The following CTNNA2 variants were observed in gnomAD, a reference collection of about 807,000 sequenced individuals.
The protein encoded by CTNNA2 is catenin alpha 2.
Under a neutral mutation model 101.0 loss-of-function variants are expected in CTNNA2, and 42 were observed. The ratio of observed to expected loss-of-function variants is 0.42; its 90% CI spans 0.32 to 0.54. The LOEUF is 0.54. CTNNA2 is among the 20% of genes least tolerant of loss of function. The pLI, the probability that CTNNA2 is intolerant of heterozygous loss-of-function variation, is 0.14. For missense variants in CTNNA2, 871 were observed against 1,223.1 expected (o/e 0.71, Z 4.29); for synonymous variants, 450 against 456.4 (o/e 0.99, Z 0.18).
chr2:80,464,841 A>G (rs952155327), intron 9 of CTNNA2, among the ~76,000 whole-genome samples: 1 of 152,194 alleles, frequency 6.6e-6, no homozygotes, highest in Non-Finnish European at 1.5e-5. Context: ...TGAGGCACAG[A>G]CAAGTTAATT....
intron 4 of CTNNA2, among the ~76,000 whole-genome samples, chr2:79,495,705 T>C (rs1238366192): frequency 1.3e-5 from 2 of 152,170 alleles, no homozygotes; most frequent in Non-Finnish European, 2.9e-5. Context: ...GGAAATAACA[T>C]ATCTATTAAT....
At chr2:80,449,975 G>T (rs925209388) in intron 9 of CTNNA2, among the ~76,000 whole-genome samples, 12 of 152,156 alleles carry the variant, frequency 7.9e-5, no homozygotes, top group Non-Finnish European at 1.6e-4. Context: ...GAATTTCCTG[G>T]AAAATTTGAA....
chr2:79,277,721 AC>A (rs758441864), intron 2 of CTNNA2, among the ~76,000 whole-genome samples: 49 of 152,188 alleles, frequency 3.2e-4, no homozygotes, highest in Non-Finnish European at 6.2e-4. Context: ...TGACCCCAAA[AC>A]TTACACTCTT....
intron 2 of CTNNA2, among the ~76,000 whole-genome samples, chr2:79,280,249 C>A (rs996962866): frequency 1.3e-5 from 2 of 152,026 alleles, no homozygotes; most frequent in African/African-American, 4.8e-5. Flanking sequence ...ATGCCTCCAC[C>A]CTAAAAAGCA....
At chr2:79,936,938 G>A (rs1034798506) in intron 7 of CTNNA2, among the ~76,000 whole-genome samples, 7 of 152,096 alleles carry the variant, frequency 4.6e-5, no homozygotes, top group African/African-American at 7.2e-5. Context: ...AGCCGCGAAA[G>A]AGCCACTTTT....
At chr2:79,901,904 C>T (rs1404855380) in intron 6 of CTNNA2, among the ~76,000 whole-genome samples, 1 of 152,152 alleles carries the variant, frequency 6.6e-6, no homozygotes, top group Non-Finnish European at 1.5e-5. Context: ...CAGCTGAGTA[C>T]AATTAGATAC....
chr2:79,330,030 A>AT (rs1676835700), intron 3 of CTNNA2, among the ~76,000 whole-genome samples: 1 of 152,104 alleles, frequency 6.6e-6, no homozygotes, highest in South Asian at 2.1e-4. Flanking sequence ...AGCTTCTTCC[A>AT]TGGAGAGGCC....
chr2:79,635,545 C>T (rs1679972806), intron 1 of CTNNA2, among the ~76,000 whole-genome samples: 1 of 151,718 alleles, frequency 6.6e-6, no homozygotes, highest in Admixed American at 6.6e-5. Context: ...CTCTTGTCGC[C>T]CAGACTGGAG....
intron 3 of CTNNA2, among the ~76,000 whole-genome samples, chr2:79,754,042 T>C (rs1672232471): frequency 6.6e-6 from 1 of 151,914 alleles, no homozygotes; most frequent in African/African-American, 2.4e-5. Context: ...CTAATTTTTG[T>C]ATTTCTAGTA....
intron 1 of CTNNA2, among the ~76,000 whole-genome samples, chr2:79,575,953 C>T (rs2103859636): frequency 6.6e-6 from 1 of 152,330 alleles, no homozygotes; most frequent in South Asian, 2.1e-4. Context: ...CTCAGGACTG[C>T]TGTGAACACC....
chr2:79,822,253 A>G (rs1222589109), intron 3 of CTNNA2, among the ~76,000 whole-genome samples: 2 of 151,914 alleles, frequency 1.3e-5, no homozygotes, highest in Non-Finnish European at 2.9e-5. Context: ...CTAATACTAT[A>G]TTTTACTATT....
chr2:79,407,801 G>A (rs1217461541), intron 4 of CTNNA2, among the ~76,000 whole-genome samples: 1 of 151,964 alleles, frequency 6.6e-6, no homozygotes, highest in Non-Finnish European at 1.5e-5. Context: ...GCCTGACAAA[G>A]GGTTGTATCC....
At chr2:80,412,020 T>C (rs1679617473) in intron 8 of CTNNA2, among the ~76,000 whole-genome samples, 1 of 152,180 alleles carries the variant, frequency 6.6e-6, no homozygotes, top group Admixed American at 6.5e-5. Context: ...TTTGCTTTCT[T>C]GTGCTGCACC....
chr2:80,303,990 G>C lies in CTNNA2; in HGVS notation c.1057-89221G>C, dbSNP rs1676650265. On this transcript the variant is annotated intron_variant, in intron 7 of 18. Coordinates refer to ENST00000402739, the MANE Select transcript of CTNNA2 (RefSeq NM_001282597.3). The surrounding 1 kb of genome is among the most constrained non-coding windows in gnomAD (Gnocchi z 7.7). Reference sequence around the variant, plus strand: ...GGACCCCCCTCCCCAAAAACCACACGTTCACCTCTAAGCATGCAGAAAGCT... The same window carrying C: ...GGACCCCCCTCCCCAAAAACCACACCTTCACCTCTAAGCATGCAGAAAGCT... 4.3e-6 allele frequency: 3 copies of C among 697,516 alleles called. No homozygotes were observed. The East Asian group carries it at 8.9e-5, about 21-fold the overall frequency. 43.2% of individuals were successfully genotyped at this position (697,516 alleles called of 1,614,324 possible). A position where few individuals can be genotyped will look rare whatever the true frequency, so the allele number is the denominator to read the frequency against.
At chr2:79,201,799 T>G (rs1421266628) in intron 2 of CTNNA2, among the ~76,000 whole-genome samples, 6 of 152,182 alleles carry the variant, frequency 3.9e-5, no homozygotes, top group African/African-American at 1.4e-4. Flanking sequence ...CCCAAATATA[T>G]GAGATGGGTC....
chr2:79,385,070 T>A (rs2104466799), intron 4 of CTNNA2, among the ~76,000 whole-genome samples: 1 of 152,320 alleles, frequency 6.6e-6, no homozygotes, highest in South Asian at 2.1e-4. Flanking sequence ...CTTACTTGCT[T>A]TTTACTATGA....
chr2:80,369,974 C>T (rs1675296103), intron 7 of CTNNA2, among the ~76,000 whole-genome samples: 1 of 152,140 alleles, frequency 6.6e-6, no homozygotes. Flanking sequence ...TATATTTGTG[C>T]TATCTTAAGC....
At chr2:80,114,646 G>A (rs1192325076) in intron 7 of CTNNA2, among the ~76,000 whole-genome samples, 1 of 152,218 alleles carries the variant, frequency 6.6e-6, no homozygotes, top group East Asian at 1.9e-4. Flanking sequence ...TCACATAGAA[G>A]TTCAGGAGTT....
intron 2 of CTNNA2, among the ~76,000 whole-genome samples, chr2:79,724,024 A>T (rs543288349): frequency 6.6e-6 from 1 of 152,266 alleles, no homozygotes; most frequent in African/African-American, 2.4e-5. Context: ...TGTCTACAGT[A>T]TCAGCAGTCT....
Sources: allele counts gnomAD v4.1 joint callset (sites outside exome capture counted in the v4.1 genomes callset), GRCh38; gene constraint gnomAD v4.1.1; non-coding constraint Gnocchi (gnomAD v3.1); transcripts MANE v1.5; gene names NCBI Gene and HGNC (gene_info 2026-07-23, HGNC 2026-07-21).